The following SMUG1 variants were observed in gnomAD, a reference collection of about 807,000 sequenced individuals.
SMUG1 encodes the protein single-strand selective monofunctional uracil DNA glycosylase.
In SMUG1, 13 loss-of-function variants were observed where a neutral mutation model predicts 23.9. The observed-to-expected ratio is 0.54, with a 90% CI of 0.35 to 0.86. The LOEUF (loss-of-function observed/expected upper bound fraction) is 0.86, where lower values mean the gene tolerates loss of function less well. Among genes scored for constraint, SMUG1 ranks in the 40% least tolerant of loss-of-function variants. The pLI is 0.01. For synonymous variants in SMUG1, 133 were observed against 139.8 expected (o/e 0.95, Z 0.34); for missense variants, 313 against 339.5 (o/e 0.92, Z 0.61).
intron 2 of SMUG1, among the ~76,000 whole-genome samples, chr12:54,185,470 AAAAAAATAAAAT>A (rs1352693970): frequency 1.2e-5 from 1 of 86,182 alleles, no homozygotes; most frequent in Admixed American, 1.4e-4. Context: ...TCCATCTCAA[AAAAAAATAAAAT>A]AAAAAATAAA....
chr12:54,168,492 A>G (rs917951712), intron 3 of SMUG1: 5 of 152,254 alleles, frequency 3.3e-5, no homozygotes, highest in African/African-American at 1.2e-4. Context: ...TTTGAAAGCA[A>G]TACTCTAAAG....
At chr12:54,188,289 AATAATAAAT>A (rs1171957557) in intron 1 of SMUG1, among the ~76,000 whole-genome samples, 11 of 28,572 alleles carry the variant, frequency 3.8e-4, no homozygotes, top group African/African-American at 6.3e-4. Context: ...TAATAATAAT[AATAATAAAT>A]AATAATAATA....
At chr12:54,182,666 C>T (rs1592378499) in intron 3 of SMUG1, 43 bp from the exon 4 acceptor site, 7 of 1,565,378 alleles carry the variant, frequency 4.5e-6, no homozygotes, top group Non-Finnish European at 6.0e-6. Context: ...AAACTGGAGA[C>T]CTGAGGCCCG....
chr12:54,169,602 T>G (rs1940564569), intron 3 of SMUG1, among the ~76,000 whole-genome samples: 1 of 143,256 alleles, frequency 7.0e-6, no homozygotes, highest in African/African-American at 2.6e-5. Context: ...AAGAGGAGAG[T>G]CCATGTTGAG....
chr12:54,166,089 G>A (rs189588251), intron 3 of SMUG1, among the ~76,000 whole-genome samples: 22 of 152,312 alleles, frequency 1.4e-4, no homozygotes, highest in East Asian at 1.3e-3. Flanking sequence ...CCGGTGGAGC[G>A]CAGTGGCTCA....
At chr12:54,175,474 G>A (rs149120771), downstream of SMUG1, among the ~76,000 whole-genome samples, 1 of 152,240 alleles carries the variant, frequency 6.6e-6, no homozygotes, top group East Asian at 1.9e-4. Context: ...AGAAATTCCT[G>A]GACATATCTG....
chr12:54,185,322 C>A (rs1942079334), intron 2 of SMUG1, among the ~76,000 whole-genome samples: 1 of 150,916 alleles, frequency 6.6e-6, no homozygotes, highest in Non-Finnish European at 1.5e-5. Context: ...AAAAAATTAG[C>A]TGGGCGTTGT....
downstream of SMUG1, chr12:54,163,167 G>A (rs1940327764): frequency 6.6e-6 from 1 of 152,254 alleles, no homozygotes; most frequent in Non-Finnish European, 1.5e-5. Flanking sequence ...CTTGAGGATG[G>A]ACCACAAGAA....
At chr12:54,182,677 G>C in intron 3 of SMUG1, 54 bp from the exon 4 acceptor site, 1 of 1,549,454 alleles carries the variant, frequency 6.5e-7, no homozygotes. Context: ...CTGAGGCCCG[G>C]GCTCTGGACC....
chr12:54,183,771 G>A lies in SMUG1; in HGVS notation c.170C>T (p.Pro57Leu). 1.2e-6 allele frequency: 2 copies of A among 1,614,126 alleles called. No individual in the cohort carries two copies. The highest frequency in any genetic ancestry group is 1.7e-6 in the Non-Finnish European group (2 of 1,180,016). The change falls in exon 3 of 4, where the codon CCC becomes CTC. Residue 57 changes from proline (P) to leucine (L), a missense_variant. Pro to Leu is a moderately conservative substitution (Grantham distance 98). Coordinates refer to ENST00000682136, the MANE Select transcript of SMUG1 (RefSeq NM_001243787.2). Reference protein sequence around the residue: ...FSEPVGIIYNPVEYAWEPHRN... With the variant: ...FSEPVGIIYNLVEYAWEPHRN... ...ATGTGGCTCCCATGCATACTCCACG[G>A]GATTGTAGATGATGCCCACAGGCTC...
chr12:54,183,861 A>T lies in SMUG1; in HGVS notation c.80T>A (p.Leu27Ter). ...LMEPQPCPGS[L>*]AESFLEEELR... ...CTCCTCCTCCAGGAAGCTCTCAGCC[A>T]AGCTTCCAGGGCAGGGCTGGGGCTC... Residue 27 changes from leucine (L) to a stop codon, truncating the protein, a stop_gained, in exon 3 of 4, where the codon TTG becomes TAG. Coordinates refer to ENST00000682136, the MANE Select transcript of SMUG1 (RefSeq NM_001243787.2). LOFTEE classifies it high-confidence loss of function. 2 of 1,612,912 alleles carry T rather than the reference A, an allele frequency of 1.2e-6. No homozygotes were observed. The highest frequency in any genetic ancestry group is 1.7e-6 in the Non-Finnish European group (2 of 1,179,544).
chr12:54,161,306 G>A (rs536845783), downstream of SMUG1, among the ~76,000 whole-genome samples: 8 of 152,218 alleles, frequency 5.3e-5, no homozygotes, highest in South Asian at 2.1e-4. The surrounding 1 kb of genome is among the most constrained non-coding windows in gnomAD (Gnocchi z 4.2). Flanking sequence ...CAGCCGCCCC[G>A]CAAACAAGAT....
At chr12:54,183,420 T>C (rs1227089162) in intron 3 of SMUG1, 1 of 575,812 alleles carries the variant, frequency 1.7e-6, no homozygotes, top group East Asian at 2.8e-5. Context: ...CAGAGGCAAT[T>C]ACTGGCCAGC....
At chr12:54,179,943 C>T (rs981679915), downstream of SMUG1, among the ~76,000 whole-genome samples, 1 of 152,188 alleles carries the variant, frequency 6.6e-6, no homozygotes, top group Admixed American at 6.5e-5. Flanking sequence ...AACAGGATAC[C>T]AATGCACATC....
In SMUG1 at chr12:54,181,673, G is replaced by C; in HGVS notation, c.*423C>G. ...CTGTGAGGAAAGGGGTCAGCTAAAG[G>C]TAACTGTTCTATAAGGATGGGTAGG... On this transcript the variant is annotated 3_prime_UTR_variant, in exon 4 of 4. Coordinates refer to ENST00000682136, the MANE Select transcript of SMUG1 (RefSeq NM_001243787.2). The C allele has an allele frequency of 6.3e-7, 1 of 1,586,886 alleles. No individual in the cohort carries two copies. Among genetic ancestry groups the C allele is most frequent in the East Asian group, 2.2e-5 (1 of 44,710 alleles).
chr12:54,174,177 A>G (rs1424373212), intron 2 of SMUG1, among the ~76,000 whole-genome samples: 1 of 152,182 alleles, frequency 6.6e-6, no homozygotes, highest in Non-Finnish European at 1.5e-5. Context: ...CCAGGTAAGG[A>G]GCAAAACACA....
At chr12:54,175,201 A>T (rs1940723897) in intron 2 of SMUG1, 1 of 152,214 alleles carries the variant, frequency 6.6e-6, no homozygotes, top group Admixed American at 6.5e-5. Context: ...TGCAATCTCT[A>T]TTCCCTTCTT....
chr12:54,162,264 G>C (rs546439626), downstream of SMUG1: 36 of 152,366 alleles, frequency 2.4e-4, no homozygotes, highest in African/African-American at 8.4e-4. Flanking sequence ...CTGAGCCAGG[G>C]CCACACATGG....
intron 1 of SMUG1, among the ~76,000 whole-genome samples, chr12:54,188,173 G>A (rs1215306581): frequency 1.3e-5 from 2 of 151,506 alleles, no homozygotes; most frequent in African/African-American, 4.9e-5. Context: ...CATCAAATCC[G>A]GGAAGTGAGG....
Sources: gnomAD v4.1 joint callset for allele counts (sites outside exome capture counted in the v4.1 genomes callset) on GRCh38, gnomAD v4.1.1 for gene constraint, Gnocchi (gnomAD v3.1) non-coding constraint, MANE v1.5 for transcripts, NCBI Gene and HGNC (gene_info 2026-07-23, HGNC 2026-07-21) for gene names.